CSDE1: variants seen among roughly 807,000 people sequenced by gnomAD.
CSDE1 encodes the protein cold shock domain containing E1.
CSDE1 carries 17 observed loss-of-function variants against 89.3 expected under a neutral mutation model. The observed-to-expected ratio is 0.19, with a 90% CI of 0.13 to 0.29. The LOEUF (loss-of-function observed/expected upper bound fraction) is 0.29, where lower values mean the gene tolerates loss of function less well. CSDE1 is among the 10% of genes least tolerant of loss of function. The probability of loss-of-function intolerance (pLI) is 1.00; values close to 1 mark genes in which losing one functional copy is unlikely to be tolerated. For synonymous variants in CSDE1, 322 were observed against 332.8 expected (o/e 0.97, Z 0.35); for missense variants, 672 against 984.2 (o/e 0.68, Z 4.24).
rs145801802 is a variant in CSDE1 at position 114,725,285 on chromosome 1, C to T, written c.1689G>A (p.Glu563=). Residue 563 remains glutamate (E), a synonymous_variant, in exon 15 of 20, where the codon GAG becomes GAA. Coordinates refer to ENST00000358528, the MANE Select transcript of CSDE1 (RefSeq NM_001007553.3). ...TGCCTTTGCCTTTGGACAAGCTATA[C>T]TCGACCATGTCCCCCAGTTCCAGGC... ...VDSLELGDMV[E]YSLSKGKGNK... is the part of the protein sequence containing the mutation. 13 of 1,614,038 alleles carry T rather than the reference C, an allele frequency of 8.1e-6. No homozygotes were observed. Among genetic ancestry groups the T allele is most frequent in the African/African-American group, 2.7e-5 (2 of 74,920 alleles).
At chr1:114,747,791 G>C (rs151176472) in intron 2 of CSDE1, among the ~76,000 whole-genome samples, 3,302 of 152,046 alleles carry the variant, frequency 0.022, 74 homozygotes, top group South Asian at 0.091. Context: ...CTGGGAGGCA[G>C]AGGCTGCAGT....
chr1:114,743,853 T>C (rs1660868277), intron 2 of CSDE1, among the ~76,000 whole-genome samples: 1 of 152,230 alleles, frequency 6.6e-6, no homozygotes, highest in South Asian at 2.1e-4. Flanking sequence ...TCTCTTTCCC[T>C]AGCCTTTATC....
chr1:114,751,059 C>T (rs1243677113), intron 1 of CSDE1, among the ~76,000 whole-genome samples: 1 of 152,144 alleles, frequency 6.6e-6, no homozygotes, highest in Non-Finnish European at 1.5e-5. Flanking sequence ...GATTATGAAG[C>T]ATTTCAACGT....
Position 114,726,244 on chromosome 1 carries a change from G to C in CSDE1, c.1607C>G (p.Ala536Gly), listed in dbSNP as rs774489479. Residue 536 changes from alanine to glycine, a missense_variant, in exon 14 of 20, where the codon GCC becomes GGC. Around this residue, in one of 8 missense-constraint regions of CSDE1, gnomAD observed 206 missense variants for 332.4 expected, o/e 0.62. Transcript: ENST00000358528. ...GAAAAAGATTTCCTTATCATGATTG[G>C]CTGTTTCAATAAATCCAAAATTATC... ...LKDNFGFIET[A>G]NHDKEIFFHY... is the part of the protein sequence containing the mutation. 1 of 1,610,862 alleles carries C rather than the reference G, an allele frequency of 6.2e-7. No homozygotes were observed. The highest frequency in any genetic ancestry group is 8.5e-7 in the Non-Finnish European group (1 of 1,178,640).
chr1:114,737,605 C>T, intron 4 of CSDE1, 42 bp from the exon 5 acceptor site: 1 of 1,449,790 alleles, frequency 6.9e-7, no homozygotes, highest in Non-Finnish European at 9.7e-7. Context: ...CTAATCATTT[C>T]AGGAGCAGCA....
intron 1 of CSDE1, among the ~76,000 whole-genome samples, chr1:114,751,701 A>AC (rs1249496260): frequency 2.0e-5 from 3 of 151,812 alleles, no homozygotes; most frequent in African/African-American, 7.3e-5. Flanking sequence ...TTTAAAAAAA[A>AC]AAAAACAAAA....
At chr1:114,730,197 G>A (rs1245066573) in intron 12 of CSDE1, 61 bp downstream of exon 12, 21 of 1,548,182 alleles carry the variant, frequency 1.4e-5, no homozygotes, top group Admixed American at 1.8e-5. Flanking sequence ...ATTACTATGT[G>A]CTGTTAAAGC....
rs181237639 is a variant in CSDE1, at chr1:114,731,518, A to G, written c.1051-870T>C. On this transcript the variant is annotated intron_variant, in intron 10 of 19. Coordinates refer to ENST00000358528, the MANE Select transcript of CSDE1 (RefSeq NM_001007553.3). Reference sequence around the variant, plus strand: ...ACTCAAGAAACTTAAATTTTCATTCAATGTACCCAGTTCCACTGGCAACAC... The same window carrying G: ...ACTCAAGAAACTTAAATTTTCATTCGATGTACCCAGTTCCACTGGCAACAC... 4.0e-3 allele frequency among the ~76,000 whole-genome samples: 616 copies of G among 152,340 alleles called. 8 individuals are homozygous for G. The highest frequency in any genetic ancestry group is 4.0e-3 in the Admixed American group (61 of 15,304).
At position 114,737,830 on chromosome 1, in the gene CSDE1, T is replaced by G. The variant is rs1344837979; in HGVS notation, c.309+133A>C. ...AAATGCCAGTGCTTTTGATTAATTT[T>G]AAAATAGTAATCTTTATATACTATA... On this transcript the variant is annotated intron_variant, in intron 4 of 19. Coordinates refer to ENST00000358528, the MANE Select transcript of CSDE1 (RefSeq NM_001007553.3). 1.2e-5 allele frequency: 8 copies of G among 683,918 alleles called. No homozygotes were observed. In the East Asian group the frequency reaches 1.9e-4, roughly 16 times the overall value. The allele number at this position is 683,918 out of a possible 1,614,324, so 42.4% of individuals were successfully genotyped here.
In CSDE1 at chr1:114,730,330, A is replaced by G; in HGVS notation, c.1284T>C (p.Phe428=). The change falls in exon 12 of 20, where the codon TTT becomes TTC. Residue 428 remains phenylalanine (F), a synonymous_variant. Transcript: ENST00000358528. ...TGGCTTCTTTTTCTACCGTGCCCAG[A>G]AAACGGTGATCTGAATGGGAATGAA... ...VSFHSHSDHR[F]LGTVEKEATF... 1 of 1,614,186 alleles carries G rather than the reference A, an allele frequency of 6.2e-7. No individual in the cohort carries two copies. The highest frequency in any genetic ancestry group is 8.5e-7 in the Non-Finnish European group (1 of 1,180,030).
chr1:114,737,700 T>C, intron 4 of CSDE1, 137 bp from the exon 5 acceptor site: 2 of 733,568 alleles, frequency 2.7e-6, no homozygotes. Flanking sequence ...GATGTCATGC[T>C]GCCAAGTTTC....
intron 4 of CSDE1, among the ~76,000 whole-genome samples, 166 bp downstream of exon 4, chr1:114,737,797 A>C (rs1660485260): frequency 6.6e-6 from 1 of 152,216 alleles, no homozygotes; most frequent in Admixed American, 6.5e-5. Flanking sequence ...TTTTTATTTC[A>C]GGTCAAGAAA....
rs541772992 is a variant in CSDE1 at position 114,741,817 on chromosome 1, T to C, written c.1-1927A>G. 2.2e-5 allele frequency: 13 copies of C among 593,086 alleles called. No individual in the cohort carries two copies. The Admixed American group carries it at 4.8e-4, about 22-fold the overall frequency. 36.7% of individuals were successfully genotyped at this position (593,086 alleles called of 1,614,324 possible). Reference sequence around the variant, plus strand: ...AGGAAATACATAGAATTAACATTACTATAAAAGGTGAAATGTATTTTTTTT... The same window carrying C: ...AGGAAATACATAGAATTAACATTACCATAAAAGGTGAAATGTATTTTTTTT... On this transcript the variant is annotated intron_variant, in intron 2 of 19. Transcript: ENST00000358528.
chr1:114,730,210 A>C, intron 12 of CSDE1, 48 bp downstream of exon 12: 4 of 1,587,094 alleles, frequency 2.5e-6, no homozygotes, highest in Non-Finnish European at 3.4e-6. Context: ...GTTAAAGCAG[A>C]AGAGAAATAA....
chr1:114,737,206 A>C (rs1327652331), intron 5 of CSDE1, among the ~76,000 whole-genome samples: 3 of 151,962 alleles, frequency 2.0e-5, no homozygotes, highest in East Asian at 3.9e-4. Flanking sequence ...GATCCCCCCC[A>C]CAACCCCCAA....
intron 9 of CSDE1, among the ~76,000 whole-genome samples, chr1:114,733,424 G>A (rs559056800): frequency 2.6e-5 from 4 of 151,822 alleles, no homozygotes; most frequent in Admixed American, 2.6e-4. Flanking sequence ...TACTTGGGAG[G>A]CTGAGGCAGG....
chr1:114,725,409 G>GT, intron 14 of CSDE1, 76 bp from the exon 15 acceptor site: 1 of 1,118,314 alleles, frequency 8.9e-7, no homozygotes, highest in Non-Finnish European at 1.4e-6. Flanking sequence ...TTATTTTACA[G>GT]TAACAGTCAT....
In CSDE1 at chr1:114,718,750, A is replaced by C. The variant is rs370770661; in HGVS notation, c.2217-5T>G. On this transcript the variant is annotated splice_region_variant and splice_polypyrimidine_tract_variant and intron_variant, in intron 18 of 19. Coordinates refer to ENST00000358528, the MANE Select transcript of CSDE1 (RefSeq NM_001007553.3). ...GCAACAGCCTTGGGGCCCTCACTGT[A>C]ATTAAGTCAAAAGATGAGAAGAAAC... is the stretch of plus-strand genomic sequence containing the variant. 1 of 1,613,244 alleles carries C rather than the reference A, an allele frequency of 6.2e-7. No homozygotes were observed. The highest frequency in any genetic ancestry group is 8.5e-7 in the Non-Finnish European group (1 of 1,179,778).
Position 114,718,153 on chromosome 1 carries a change from T to C in CSDE1, c.*16A>G. The C allele has an allele frequency of 6.2e-7, 1 of 1,614,006 alleles. No individual in the cohort carries two copies. The highest frequency in any genetic ancestry group is 8.5e-7 in the Non-Finnish European group (1 of 1,179,924). ...ACTTGATCATAGTGGATTAATGGTG[T>C]GCTTTGTGGATGTGGTTAGTCAATG... On this transcript the variant is annotated 3_prime_UTR_variant, in exon 20 of 20. Transcript: ENST00000358528.
Sources: gnomAD v4.1 joint callset for allele counts (sites outside exome capture counted in the v4.1 genomes callset) on GRCh38, gnomAD v4.1.1 for gene constraint, gnomAD v4.1.1 regional missense constraint, MANE v1.5 for transcripts, NCBI Gene and HGNC (gene_info 2026-07-23, HGNC 2026-07-21) for gene names.